TMEM272: variants seen among roughly 807,000 people sequenced by gnomAD.
TMEM272 encodes the protein long intergenic non-protein coding RNA 282.
Under a neutral mutation model 3.7 loss-of-function variants are expected in TMEM272, and 8 were observed. The observed-to-expected ratio is 2.17, with a 90% CI of 1.27 to 3.91. The LOEUF is 3.91. TMEM272 is among the 30% of genes most tolerant of loss of function. The pLI is 0.00. For synonymous variants in TMEM272, 63 were observed against 39.8 expected (o/e 1.58, Z -2.20); for missense variants, 166 against 91.5 (o/e 1.81, Z -3.32).
At chr13:51,842,881 C>T (rs1193875780) in intron 1 of TMEM272, among the ~76,000 whole-genome samples, 1 of 152,194 alleles carries the variant, frequency 6.6e-6, no homozygotes, top group African/African-American at 2.4e-5. Flanking sequence ...AGAGACATTT[C>T]TCTCCATGAA....
chr13:51,859,537 C>T, the TMEM272 span, among the ~76,000 whole-genome samples: 4 of 151,850 alleles, frequency 2.6e-5, no homozygotes, highest in East Asian at 1.9e-4. Flanking sequence ...CACACACACA[C>T]ACACACACAC....
chr13:51,822,048 A>G lies in TMEM272; in HGVS notation c.201+7T>C, dbSNP rs1046713413. On this transcript the variant is annotated splice_region_variant and intron_variant, in intron 4 of 4. Coordinates refer to ENST00000629372, the MANE Select transcript of TMEM272 (RefSeq NM_001351003.2). ...AGGACTACAAACAGCAGATAAAGAT[A>G]CTTTACCTTTAAGGTACCGACGATG... is the stretch of plus-strand genomic sequence containing the variant. 6 of 702,566 alleles carry G rather than the reference A, an allele frequency of 8.5e-6. No homozygotes were observed. The East Asian group carries it at 1.3e-4, about 16-fold the overall frequency. 43.5% of individuals were successfully genotyped at this position (702,566 alleles called of 1,614,324 possible).
chr13:51,905,145 G>A, the TMEM272 span, among the ~76,000 whole-genome samples: 1 of 152,232 alleles, frequency 6.6e-6, no homozygotes, highest in Admixed American at 6.5e-5. Flanking sequence ...ACACGAAGCA[G>A]TCAACAGAGA....
chr13:51,899,429 C>T, the TMEM272 span, among the ~76,000 whole-genome samples: 1 of 152,116 alleles, frequency 6.6e-6, no homozygotes, highest in African/African-American at 2.4e-5. Flanking sequence ...TAATCAGCAA[C>T]ATTTGGCACT....
chr13:51,865,427 G>A, the TMEM272 span: 1 of 1,611,854 alleles, frequency 6.2e-7, no homozygotes. Context: ...TTCCTTCAAG[G>A]TGAGCAGATG....
chr13:51,816,745 C>A lies in TMEM272; in HGVS notation c.*6G>T. On this transcript the variant is annotated 3_prime_UTR_variant, in exon 5 of 5. Coordinates refer to ENST00000629372, the MANE Select transcript of TMEM272 (RefSeq NM_001351003.2). ...TGCATACATGGTATGCTGGACAAGG[C>A]AGCTGTCAGTCTTCATCGGCAGCAA... 1.4e-6 allele frequency: 1 copy of A among 694,824 alleles called. No homozygotes were observed. The allele number at this position is 694,824 out of a possible 1,614,324, so 43.0% of individuals were successfully genotyped here.
the TMEM272 span, among the ~76,000 whole-genome samples, chr13:51,890,012 C>G: frequency 6.6e-6 from 1 of 152,162 alleles, no homozygotes; most frequent in South Asian, 2.1e-4. Context: ...GAGGGGCTTC[C>G]CAGACTCCTC....
Position 51,826,638 on chromosome 13 carries a change from G to A in TMEM272, c.59-13C>T. The A allele has an allele frequency of 1.4e-6, 1 of 702,562 alleles. No homozygotes were observed. The highest frequency in any genetic ancestry group is 2.3e-4 in the Middle Eastern group (1 of 4,370). The allele number at this position is 702,562 out of a possible 1,614,324, so 43.5% of individuals were successfully genotyped here. A position where few individuals can be genotyped will look rare whatever the true frequency, so the allele number is the denominator to read the frequency against. ...ACAACGAAGCAGGCTGCAAGGAGAA[G>A]AAGGGGCAGGCACTGGGTTAGAAAC... On this transcript the variant is annotated splice_polypyrimidine_tract_variant and intron_variant, in intron 2 of 4. Transcript: ENST00000629372.
At chr13:51,909,916 C>T in the TMEM272 span, 1 of 1,601,046 alleles carries the variant, frequency 6.2e-7, no homozygotes, top group Non-Finnish European at 8.6e-7. Flanking sequence ...AGTTCACTCA[C>T]TTGTTCTTTC....
At chr13:51,835,138 T>C (rs1189324583) in intron 2 of TMEM272, among the ~76,000 whole-genome samples, 1 of 152,154 alleles carries the variant, frequency 6.6e-6, no homozygotes, top group African/African-American at 2.4e-5. Context: ...CAGCTCCACA[T>C]GTGGATAGGG....
chr13:51,865,674 CCTT>C, the TMEM272 span: 4 of 1,614,006 alleles, frequency 2.5e-6, no homozygotes, highest in Admixed American at 3.3e-5. Flanking sequence ...GAGGAGAAAA[CCTT>C]CTGGAAAGAG....
chr13:51,909,829 C>T, the TMEM272 span: 3 of 1,589,532 alleles, frequency 1.9e-6, no homozygotes, highest in Non-Finnish European at 2.6e-6. Flanking sequence ...GTCAGAGTCT[C>T]GATGTGATTT....
chr13:51,898,454 T>C, the TMEM272 span, among the ~76,000 whole-genome samples: 1 of 151,694 alleles, frequency 6.6e-6, no homozygotes, highest in Non-Finnish European at 1.5e-5. Flanking sequence ...GCCTCATGGA[T>C]GGAGAAATGG....
At chr13:51,823,998 C>T (rs956580107) in intron 3 of TMEM272, among the ~76,000 whole-genome samples, 2 of 152,236 alleles carry the variant, frequency 1.3e-5, no homozygotes, top group African/African-American at 4.8e-5. Context: ...CCTTTTCACA[C>T]AAAGACCTTT....
At chr13:51,930,662 G>T in the TMEM272 span, 2 of 146,790 alleles carry the variant, frequency 1.4e-5, no homozygotes, top group African/African-American at 5.0e-5. Context: ...ATGCAATTAA[G>T]AAAAATGTAT....
chr13:51,845,567 T>C (rs1956298621), upstream of TMEM272, among the ~76,000 whole-genome samples: 1 of 152,140 alleles, frequency 6.6e-6, no homozygotes, highest in Non-Finnish European at 1.5e-5. Context: ...GAAAAGGGAT[T>C]AAATTGATTC....
chr13:51,921,107 T>C, the TMEM272 span: 1 of 152,244 alleles, frequency 6.6e-6, no homozygotes. Flanking sequence ...CCCTGGTCAA[T>C]ACGCAGACAT....
At chr13:51,849,665 G>T (rs547656795), upstream of TMEM272, among the ~76,000 whole-genome samples, 5 of 152,194 alleles carry the variant, frequency 3.3e-5, no homozygotes, top group African/African-American at 1.2e-4. Context: ...GGGAGGATGC[G>T]CGGACACGCC....
chr13:51,859,096 G>C, the TMEM272 span, among the ~76,000 whole-genome samples: 1 of 151,758 alleles, frequency 6.6e-6, no homozygotes, highest in African/African-American at 2.4e-5. Context: ...TCACTGAAAA[G>C]CTTCCTTCAC....
Sources: gnomAD v4.1 joint callset for allele counts (sites outside exome capture counted in the v4.1 genomes callset) on GRCh38, gnomAD v4.1.1 for gene constraint, MANE v1.5 for transcripts, NCBI Gene and HGNC (gene_info 2026-07-23, HGNC 2026-07-21) for gene names.